SRBD1: variants seen among roughly 807,000 people sequenced by gnomAD.
The protein encoded by SRBD1 is S1 RNA binding domain 1.
Under a neutral mutation model 115.3 loss-of-function variants are expected in SRBD1, and 88 were observed. The ratio of observed to expected loss-of-function variants is 0.76; its 90% CI spans 0.64 to 0.91. SRBD1 has a LOEUF of 0.91. Among genes scored for constraint, SRBD1 ranks in the 40% least tolerant of loss-of-function variants. The pLI is 0.00. For synonymous variants in SRBD1, 509 were observed against 407.7 expected (o/e 1.25, Z -2.99); for missense variants, 1,385 against 1,177.4 (o/e 1.18, Z -2.58).
intron 1 of SRBD1, among the ~76,000 whole-genome samples, chr2:45,607,108 T>G (rs958678157): frequency 6.6e-6 from 1 of 152,242 alleles, no homozygotes; most frequent in African/African-American, 2.4e-5. Flanking sequence ...CATCTTTCCC[T>G]TCACTCTCTT....
At chr2:45,529,783 G>T (rs1282023139) in intron 14 of SRBD1, among the ~76,000 whole-genome samples, 1 of 151,926 alleles carries the variant, frequency 6.6e-6, no homozygotes, top group African/African-American at 2.4e-5. Flanking sequence ...CTAGAACCTT[G>T]AAGACAAGGA....
chr2:45,579,089 A>T (rs1457729020), intron 7 of SRBD1, among the ~76,000 whole-genome samples: 1 of 152,180 alleles, frequency 6.6e-6, no homozygotes, highest in Non-Finnish European at 1.5e-5. Flanking sequence ...CCTGAGAAAA[A>T]GCCACTCTTA....
At chr2:45,450,488 A>G (rs1025624070) in intron 16 of SRBD1, among the ~76,000 whole-genome samples, 2 of 152,160 alleles carry the variant, frequency 1.3e-5, no homozygotes, top group Non-Finnish European at 2.9e-5. Context: ...CTATACTGGA[A>G]GAGTTACAAT....
rs754797922 is a variant in SRBD1 at position 45,573,249 on chromosome 2, G to T, written c.1263C>A (p.Tyr421Ter). The T allele has an allele frequency of 6.2e-7, 1 of 1,611,088 alleles. No homozygotes were observed. The highest frequency in any genetic ancestry group is 8.5e-7 in the Non-Finnish European group (1 of 1,178,908). Residue 421 changes from tyrosine to a stop codon, truncating the protein, a stop_gained, in exon 9 of 21, where the codon TAC becomes TAA. Coordinates refer to ENST00000263736, the MANE Select transcript of SRBD1 (RefSeq NM_018079.5). LOFTEE classifies it high-confidence loss of function. The part of the protein sequence containing the change: ...NEKDVDKFLL[Y>*]QHFSCNIRNI... ...TTCTTATGTTGCAGGAAAAATGCTG[G>T]TAGAGCAGAAACTTATCAACATCTT... is the stretch of plus-strand genomic sequence containing the variant.
intron 16 of SRBD1, among the ~76,000 whole-genome samples, chr2:45,422,450 T>C (rs943319627): frequency 1.3e-5 from 2 of 152,170 alleles, no homozygotes; most frequent in Non-Finnish European, 2.9e-5. Flanking sequence ...AATTAGTGGA[T>C]CATAAAATTA....
chr2:45,605,329 TCCCCTA>T (rs1344454937), intron 2 of SRBD1, 27 bp downstream of exon 2: 1 of 1,574,154 alleles, frequency 6.4e-7, no homozygotes, highest in Non-Finnish European at 8.7e-7. Flanking sequence ...TATTCATCAT[TCCCCTA>T]CCCACATATT....
intron 14 of SRBD1, among the ~76,000 whole-genome samples, chr2:45,520,221 C>G (rs1319163834): frequency 6.6e-6 from 1 of 152,176 alleles, no homozygotes; most frequent in Non-Finnish European, 1.5e-5. Flanking sequence ...CTCAATGGTA[C>G]TTTTGTGCTG....
chr2:45,589,644 T>C (rs200215915), intron 4 of SRBD1, among the ~76,000 whole-genome samples: 2 of 152,228 alleles, frequency 1.3e-5, no homozygotes, highest in East Asian at 3.8e-4. Flanking sequence ...TATGGCATCA[T>C]GTATGTTATG....
At chr2:45,397,261 G>A (rs1425913822) in intron 19 of SRBD1, among the ~76,000 whole-genome samples, 2 of 152,072 alleles carry the variant, frequency 1.3e-5, no homozygotes, top group Non-Finnish European at 2.9e-5. Flanking sequence ...TGCAAGTTCA[G>A]TAGTAATTTG....
intron 4 of SRBD1, among the ~76,000 whole-genome samples, chr2:45,595,950 G>A (rs1443701361): frequency 6.6e-6 from 1 of 151,912 alleles, no homozygotes; most frequent in Non-Finnish European, 1.5e-5. Context: ...GGAGTGCCCA[G>A]ATTCTCAGAG....
chr2:45,414,515 A>G (rs987617811), intron 18 of SRBD1, among the ~76,000 whole-genome samples: 1 of 149,620 alleles, frequency 6.7e-6, no homozygotes, highest in Admixed American at 6.7e-5. Context: ...GTGTACACAC[A>G]TAGTGTGTAT....
intron 14 of SRBD1, chr2:45,546,180 C>T (rs1421117027): frequency 4.1e-6 from 4 of 985,332 alleles, no homozygotes; most frequent in Non-Finnish European, 4.8e-6. Context: ...AATGCAGGGG[C>T]AAGACTAGAG....
At chr2:45,580,675 T>A (rs139971783) in intron 6 of SRBD1, among the ~76,000 whole-genome samples, 2 of 128,104 alleles carry the variant, frequency 1.6e-5, no homozygotes, top group East Asian at 2.4e-4. Flanking sequence ...TTCTTCTACT[T>A]CTTTTTTTTT....
chr2:45,596,017 C>T (rs1287633670), intron 4 of SRBD1, among the ~76,000 whole-genome samples: 1 of 151,942 alleles, frequency 6.6e-6, no homozygotes, highest in Non-Finnish European at 1.5e-5. Flanking sequence ...AAAAAAATTG[C>T]TTGGAATTAA....
intron 19 of SRBD1, among the ~76,000 whole-genome samples, chr2:45,393,758 A>G (rs1667071249): frequency 6.6e-6 from 1 of 152,236 alleles, no homozygotes; most frequent in African/African-American, 2.4e-5. Context: ...TGTTCCCTAC[A>G]ATTTCAATTA....
intron 4 of SRBD1, among the ~76,000 whole-genome samples, chr2:45,588,647 A>G (rs544124325): frequency 6.6e-6 from 1 of 152,320 alleles, no homozygotes; most frequent in East Asian, 1.9e-4. Context: ...GGCTCAAGGA[A>G]CCAGCTGTTT....
At chr2:45,598,455 A>G (rs1161007147) in intron 4 of SRBD1, among the ~76,000 whole-genome samples, 1 of 151,938 alleles carries the variant, frequency 6.6e-6, no homozygotes, top group East Asian at 1.9e-4. Flanking sequence ...TCTACTAAAA[A>G]TACGAAAAAT....
chr2:45,522,058 C>T (rs1671301288), intron 14 of SRBD1, among the ~76,000 whole-genome samples: 1 of 151,934 alleles, frequency 6.6e-6, no homozygotes, highest in Admixed American at 6.6e-5. Context: ...CATAGCAGCA[C>T]TATACACAAT....
At chr2:45,486,299 A>AT (rs1300557383) in intron 15 of SRBD1, among the ~76,000 whole-genome samples, 1 of 152,208 alleles carries the variant, frequency 6.6e-6, no homozygotes, top group Admixed American at 6.5e-5. Context: ...TACCTTCTCA[A>AT]TAGCAACTTG....
Sources: allele counts gnomAD v4.1 joint callset (sites outside exome capture counted in the v4.1 genomes callset), GRCh38; gene constraint gnomAD v4.1.1; transcripts MANE v1.5; gene names NCBI Gene and HGNC (gene_info 2026-07-23, HGNC 2026-07-21).